The following ARNT2 variants were observed in gnomAD, a reference collection of about 807,000 sequenced individuals.
ARNT2 encodes the protein ARNT protein 2.
Under a neutral mutation model 91.7 loss-of-function variants are expected in ARNT2, and 36 were observed. The observed-to-expected ratio is 0.39, with a 90% CI of 0.30 to 0.52. The LOEUF is 0.52. Ranked by LOEUF, ARNT2 falls within the 20% of genes least tolerant of loss-of-function variation. ARNT2 has a pLI of 0.72. For synonymous variants in ARNT2, 365 were observed against 347.1 expected (o/e 1.05, Z -0.57); for missense variants, 775 against 939.3 (o/e 0.83, Z 2.29).
chr15:80,573,757 G>A (rs1349922436), intron 12 of ARNT2, among the ~76,000 whole-genome samples: 1 of 152,222 alleles, frequency 6.6e-6, no homozygotes, highest in Non-Finnish European at 1.5e-5. Flanking sequence ...TGAAAGCATA[G>A]TGTGAGGATT....
chr15:80,464,771 A>G (rs1172554781), intron 3 of ARNT2, among the ~76,000 whole-genome samples: 1 of 152,160 alleles, frequency 6.6e-6, no homozygotes, highest in Non-Finnish European at 1.5e-5. Flanking sequence ...GCCCTGCAGC[A>G]TGCCTGGGAG....
chr15:80,405,650 C>A (rs924916904), intron 1 of ARNT2, among the ~76,000 whole-genome samples: 3 of 152,094 alleles, frequency 2.0e-5, no homozygotes, highest in Admixed American at 6.5e-5. Flanking sequence ...ATATACAGAG[C>A]CAGTAGCAGA....
rs768288646 is a variant in ARNT2, at chr15:80,470,325, A to G, written c.302A>G (p.Asp101Gly). 1 of 1,614,104 alleles carries G rather than the reference A, an allele frequency of 6.2e-7. No individual in the cohort carries two copies. The highest frequency in any genetic ancestry group is 1.3e-5 in the African/African-American group (1 of 74,932). Residue 101 changes from aspartate (D) to glycine (G), a missense_variant, in exon 4 of 19, where the codon GAC (aspartate) becomes GGC (glycine). Transcript: ENST00000303329. ...PTCSALARKPDKLTILRMAVS... is the reference protein window; with the variant it reads ...PTCSALARKPGKLTILRMAVS... ...TGCAGCGCACTGGCTCGGAAGCCAG[A>G]CAAGCTCACCATCCTCCGCATGGCC...
At chr15:80,582,827 C>G (rs1898823702) in intron 17 of ARNT2, among the ~76,000 whole-genome samples, 1 of 152,196 alleles carries the variant, frequency 6.6e-6, no homozygotes, top group Non-Finnish European at 1.5e-5. Context: ...CGGTTACCAC[C>G]TTGAGCCCAG....
chr15:80,425,954 AG>A (rs976882569), intron 1 of ARNT2, among the ~76,000 whole-genome samples: 1 of 152,040 alleles, frequency 6.6e-6, no homozygotes, highest in African/African-American at 2.4e-5. Flanking sequence ...GTGCAGAGTG[AG>A]GGGGCTGAGG....
chr15:80,477,299 C>T (rs1262359594), intron 5 of ARNT2, among the ~76,000 whole-genome samples: 1 of 152,206 alleles, frequency 6.6e-6, no homozygotes, highest in Non-Finnish European at 1.5e-5. Flanking sequence ...ATCAAGGCAC[C>T]TTGATGTCTG....
intron 8 of ARNT2, among the ~76,000 whole-genome samples, chr15:80,533,122 G>A (rs1897764999): frequency 6.6e-6 from 1 of 152,236 alleles, no homozygotes; most frequent in Admixed American, 6.5e-5. Flanking sequence ...GGGATTGACA[G>A]CCAGGGAGGG....
chr15:80,578,437 C>T (rs1297033585), intron 15 of ARNT2, among the ~76,000 whole-genome samples: 1 of 151,856 alleles, frequency 6.6e-6, no homozygotes, highest in African/African-American at 2.4e-5. Context: ...CGGCCTCACA[C>T]AGGCTCTGCA....
At chr15:80,573,490 A>G (rs1185864156) in intron 12 of ARNT2, among the ~76,000 whole-genome samples, 1 of 152,146 alleles carries the variant, frequency 6.6e-6, no homozygotes, top group Admixed American at 6.5e-5. Flanking sequence ...GGATCCTGTC[A>G]TTTGCCCCAT....
intron 6 of ARNT2, among the ~76,000 whole-genome samples, chr15:80,511,689 G>A (rs971985545): frequency 3.9e-5 from 6 of 152,100 alleles, no homozygotes; most frequent in Admixed American, 6.5e-5. Flanking sequence ...GTGAAATCTC[G>A]TGGGAGGTGG....
intron 8 of ARNT2, among the ~76,000 whole-genome samples, chr15:80,522,718 T>C (rs1180444207): frequency 6.6e-6 from 1 of 151,708 alleles, no homozygotes; most frequent in Non-Finnish European, 1.5e-5. Context: ...GTCTGTTGTT[T>C]ACCAAAAACA....
chr15:80,514,142 G>A (rs949982769), intron 7 of ARNT2, among the ~76,000 whole-genome samples, 166 bp downstream of exon 7: 8 of 152,150 alleles, frequency 5.3e-5, no homozygotes, highest in African/African-American at 1.7e-4. Context: ...GAGTTGGGTG[G>A]AATTTATTTT....
intron 1 of ARNT2, among the ~76,000 whole-genome samples, chr15:80,438,377 T>C (rs1175278694): frequency 6.6e-6 from 1 of 152,226 alleles, no homozygotes; most frequent in Non-Finnish European, 1.5e-5. Context: ...TTTTTTCCCC[T>C]GTGAATTTTT....
At chr15:80,542,645 G>A (rs1000379951) in intron 8 of ARNT2, among the ~76,000 whole-genome samples, 55 of 152,058 alleles carry the variant, frequency 3.6e-4, no homozygotes, top group Admixed American at 2.1e-3. Flanking sequence ...AAAAATCTGC[G>A]GAAGTTCTTC....
chr15:80,533,390 G>A (rs1897771273), intron 8 of ARNT2, among the ~76,000 whole-genome samples: 1 of 152,172 alleles, frequency 6.6e-6, no homozygotes, highest in African/African-American at 2.4e-5. Flanking sequence ...GATGGATGAC[G>A]AGTTGGCAAA....
At chr15:80,504,764 T>A (rs1213496436) in intron 5 of ARNT2, among the ~76,000 whole-genome samples, 16 of 127,340 alleles carry the variant, frequency 1.3e-4, no homozygotes, top group African/African-American at 4.8e-4. Context: ...TGAGACCCTG[T>A]CTCAAAGAAA....
At chr15:80,489,862 G>T (rs1279192206) in intron 5 of ARNT2, among the ~76,000 whole-genome samples, 1 of 152,284 alleles carries the variant, frequency 6.6e-6, no homozygotes, top group Non-Finnish European at 1.5e-5. Context: ...TTGAGTCTTC[G>T]TTTCCCCGCT....
chr15:80,467,575 G>T (rs764891479), intron 3 of ARNT2, among the ~76,000 whole-genome samples: 3 of 152,210 alleles, frequency 2.0e-5, no homozygotes, highest in African/African-American at 7.2e-5. Flanking sequence ...GTGCGGGGCG[G>T]TGGCGTGCAG....
At chr15:80,483,693 C>T (rs1181404254) in intron 5 of ARNT2, among the ~76,000 whole-genome samples, 2 of 152,216 alleles carry the variant, frequency 1.3e-5, no homozygotes, top group African/African-American at 4.8e-5. Flanking sequence ...GCATGCTCAT[C>T]CTGTCACCCT....
Sources: gnomAD v4.1 joint callset for allele counts (sites outside exome capture counted in the v4.1 genomes callset) on GRCh38, gnomAD v4.1.1 for gene constraint, MANE v1.5 for transcripts, NCBI Gene and HGNC (gene_info 2026-07-23, HGNC 2026-07-21) for gene names.